The following DGKH variants were observed in gnomAD, a reference collection of about 807,000 sequenced individuals.
The protein encoded by DGKH is DAG kinase eta.
Under a neutral mutation model 159.3 loss-of-function variants are expected in DGKH, and 90 were observed. The ratio of observed to expected loss-of-function variants is 0.57; its 90% CI spans 0.48 to 0.67. DGKH has a LOEUF of 0.67. DGKH is among the 30% of genes least tolerant of loss of function. The pLI is 0.00. For missense variants in DGKH, 1,181 were observed against 1,506.1 expected (o/e 0.78, Z 3.57); for synonymous variants, 536 against 553.8 (o/e 0.97, Z 0.45).
At chr13:42,252,278 A>T (rs979559424) in intron 29 of DGKH, 1 of 152,078 alleles carries the variant, frequency 6.6e-6, no homozygotes, top group East Asian at 1.9e-4. Context: ...CTTGGGTTGG[A>T]TGTTTAATAC....
chr13:42,180,483 G>A (rs1956722748), intron 13 of DGKH, among the ~76,000 whole-genome samples: 1 of 152,218 alleles, frequency 6.6e-6, no homozygotes, highest in South Asian at 2.1e-4. Flanking sequence ...ATTAAGCTGA[G>A]TAATATAATA....
At chr13:42,251,221 A>G (rs1958618182) in intron 29 of DGKH, among the ~76,000 whole-genome samples, 1 of 152,156 alleles carries the variant, frequency 6.6e-6, no homozygotes, top group African/African-American at 2.4e-5. Context: ...CACACCTGTA[A>G]TCTCAACACT....
intron 11 of DGKH, among the ~76,000 whole-genome samples, chr13:42,169,463 G>A (rs996256623): frequency 1.6e-4 from 25 of 152,128 alleles, no homozygotes; most frequent in Admixed American, 1.5e-3. Context: ...TGTACCCTGC[G>A]TGTTATGGAG....
At chr13:42,045,209 G>A (rs1342244864), upstream of DGKH, among the ~76,000 whole-genome samples, 1 of 152,114 alleles carries the variant, frequency 6.6e-6, no homozygotes, top group Non-Finnish European at 1.5e-5. Context: ...GACTACCCTG[G>A]GAGGCTGATG....
rs955362816 is a variant in DGKH at position 42,117,905 on chromosome 13, G to A, written c.193-9558G>A. On this transcript the variant is annotated intron_variant, in intron 1 of 29. Transcript: ENST00000337343. ...CGTGAAAAGAAACAGCCTGAAATCT[G>A]CTGAACCCTGGAAACCATAAAGGCA... Among the ~76,000 whole-genome samples the A allele has an allele frequency of 1.3e-5, 2 of 152,072 alleles. 1 individual carries two copies. Among genetic ancestry groups the A allele is most frequent in the South Asian group, 4.1e-4 (2 of 4,832 alleles).
intron 20 of DGKH, among the ~76,000 whole-genome samples, chr13:42,200,148 C>T (rs1011007619): frequency 1.3e-5 from 2 of 152,044 alleles, no homozygotes; most frequent in Non-Finnish European, 2.9e-5. Context: ...TGTGGTGCCC[C>T]ACGTAAAAGT....
At chr13:42,066,394 C>T (rs1280434829) in intron 1 of DGKH, 2 of 152,124 alleles carry the variant, frequency 1.3e-5, no homozygotes, top group Non-Finnish European at 2.9e-5. Flanking sequence ...GGTGAAAGGT[C>T]GCATTTTCAG....
intron 20 of DGKH, 115 bp downstream of exon 20, chr13:42,200,024 G>A (rs1594194511): frequency 1.2e-6 from 1 of 827,530 alleles, no homozygotes; most frequent in African/African-American, 1.7e-5. Flanking sequence ...ATATTCAAGG[G>A]GAAAAATGAA....
At chr13:42,157,737 T>C (rs1166139753) in intron 5 of DGKH, among the ~76,000 whole-genome samples, 1 of 152,222 alleles carries the variant, frequency 6.6e-6, no homozygotes, top group Non-Finnish European at 1.5e-5. Context: ...TCAGTGTGTA[T>C]ACATTATTAT....
chr13:42,215,394 T>C (rs1195432428), intron 25 of DGKH, among the ~76,000 whole-genome samples, 181 bp from the exon 26 acceptor site: 1 of 152,172 alleles, frequency 6.6e-6, no homozygotes, highest in Non-Finnish European at 1.5e-5. Flanking sequence ...TTTTGTTCTG[T>C]AATATAATAA....
intron 1 of DGKH, among the ~76,000 whole-genome samples, chr13:42,120,097 ACT>A (rs1955040846): frequency 6.6e-6 from 1 of 152,038 alleles, no homozygotes; most frequent in Non-Finnish European, 1.5e-5. Flanking sequence ...GACATTAAAG[ACT>A]CTGAACCGTT....
chr13:42,209,314 G>A lies in DGKH; in HGVS notation c.2716-17G>A. ...CTCTGGATGATTTGTACTCTAAAATGATTTGTTTTATTTCAGTGCCGTACA... is the reference window on the plus strand; with the variant it reads ...CTCTGGATGATTTGTACTCTAAAATAATTTGTTTTATTTCAGTGCCGTACA... On this transcript the variant is annotated splice_polypyrimidine_tract_variant and intron_variant, in intron 22 of 29. Transcript: ENST00000337343. The A allele has an allele frequency of 3.1e-6, 5 of 1,597,934 alleles. No individual in the cohort carries two copies. The highest frequency in any genetic ancestry group is 3.4e-6 in the Non-Finnish European group (4 of 1,174,850).
chr13:42,218,664 A>T (rs566020981), intron 26 of DGKH, among the ~76,000 whole-genome samples: 152 of 152,140 alleles, frequency 1.0e-3, no homozygotes, highest in African/African-American at 3.4e-3. Flanking sequence ...GCCCAACACC[A>T]TGCCTAACTA....
At chr13:42,040,314 C>CAGCCT (rs1295445688) in intron 1 of DGKH, among the ~76,000 whole-genome samples, 37 of 152,262 alleles carry the variant, frequency 2.4e-4, no homozygotes, top group African/African-American at 8.4e-4. Flanking sequence ...GCGCGGTGGC[C>CAGCCT]AGCCTAGCCC....
rs146764113 is a variant in DGKH, at chr13:42,241,501, T to G, written c.*12313T>G. 1.3e-3 allele frequency: 191 copies of G among 152,360 alleles called. No homozygotes were observed. The highest frequency in any genetic ancestry group is 4.4e-3 in the African/African-American group (183 of 41,578). 9.4% of individuals were successfully genotyped at this position (152,360 alleles called of 1,614,324 possible). A position where few individuals can be genotyped will look rare whatever the true frequency, so the allele number is the denominator to read the frequency against. On this transcript the variant is annotated 3_prime_UTR_variant, in exon 30 of 30. Coordinates refer to ENST00000337343, the MANE Select transcript of DGKH (RefSeq NM_178009.5). ...TCAAGTACATATTTCATCAATCCTA[T>G]TTCCACAGCCGTACATGTGATCCCA...
chr13:42,168,968 C>T, intron 11 of DGKH, 150 bp downstream of exon 11: 5 of 829,664 alleles, frequency 6.0e-6, no homozygotes, highest in Non-Finnish European at 8.9e-6. Flanking sequence ...ACTGGTTAAT[C>T]CCTGAGATGG....
At chr13:42,176,530 T>G (rs1233262368) in intron 12 of DGKH, among the ~76,000 whole-genome samples, 1 of 152,038 alleles carries the variant, frequency 6.6e-6, no homozygotes. Flanking sequence ...TGGTCTGCCT[T>G]TGAAGGAGAA....
At chr13:42,186,927 A>G (rs1391331635) in intron 13 of DGKH, 122 bp from the exon 14 acceptor site, 2 of 788,252 alleles carry the variant, frequency 2.5e-6, no homozygotes, top group African/African-American at 3.5e-5. Flanking sequence ...GCATAGATTT[A>G]TATACAGATG....
rs75170121 is a variant in DGKH at position 42,210,731 on chromosome 13, C to T, written c.2980C>T (p.Leu994=). 2,547 of 1,612,540 alleles carry T rather than the reference C, an allele frequency of 1.6e-3. 43 individuals carry two copies. In the East Asian group the frequency reaches 0.04, roughly 25 times the overall value. ...AACAGAAGAGGTGTCGCAGATGCAGCTATGCTCCCAGGCTGCAGAGGAGCT... is the reference window on the plus strand; with the variant it reads ...AACAGAAGAGGTGTCGCAGATGCAGTTATGCTCCCAGGCTGCAGAGGAGCT... ...LATEEVSQMQ[L]CSQAAEELIT... is the part of the protein sequence containing the mutation. Residue 994 remains leucine (L), a synonymous_variant, in exon 24 of 30, where the codon CTA becomes TTA. Transcript: ENST00000337343.
Sources: gnomAD v4.1 joint callset for allele counts (sites outside exome capture counted in the v4.1 genomes callset) on GRCh38, gnomAD v4.1.1 for gene constraint, MANE v1.5 for transcripts, NCBI Gene and HGNC (gene_info 2026-07-23, HGNC 2026-07-21) for gene names.